The following FAR2 variants were observed in gnomAD, a reference collection of about 807,000 sequenced individuals.
FAR2 encodes fatty acyl-CoA reductase 2, also known as epididymis secretory protein Li 81.
FAR2 carries 19 observed loss-of-function variants against 56.0 expected under a neutral mutation model. The observed-to-expected ratio is 0.34, with a 90% confidence interval of 0.24 to 0.50. The LOEUF (loss-of-function observed/expected upper bound fraction) is 0.50, where lower values mean the gene tolerates loss of function less well. FAR2 is among the 20% of genes least tolerant of loss of function. FAR2 has a pLI of 0.98. For synonymous variants in FAR2, 219 were observed against 218.8 expected, an observed-to-expected ratio of 1.00 and a Z score of -0.01; for missense variants, 508 against 642.2, an observed-to-expected ratio of 0.79 and a Z score of 2.26.
At chr12:29,281,838 G>C (rs1163636995) in intron 2 of FAR2, among the ~76,000 whole-genome samples, 3 of 151,892 alleles carry the variant, frequency 2.0e-5, no homozygotes, top group African/African-American at 7.3e-5. Context: ...AGATGTGGAG[G>C]ATTCAGTGGC....
At chr12:29,249,289 C>G (rs1033923566) in intron 1 of FAR2, among the ~76,000 whole-genome samples, 1 of 152,184 alleles carries the variant, frequency 6.6e-6, no homozygotes, top group Non-Finnish European at 1.5e-5. Flanking sequence ...TGGCTTCAGC[C>G]GGTCCCTCCG....
At chr12:29,253,519 C>T (rs1948268546) in intron 1 of FAR2, among the ~76,000 whole-genome samples, 1 of 151,802 alleles carries the variant, frequency 6.6e-6, no homozygotes, top group Non-Finnish European at 1.5e-5. Flanking sequence ...TAAACTAATA[C>T]AATGATAATC....
In FAR2 at chr12:29,317,030, T is replaced by C. The variant is rs972757495; in HGVS notation, c.1127+18T>C. 1.9e-5 allele frequency: 30 copies of C among 1,607,036 alleles called. No individual in the cohort carries two copies. The highest frequency in any genetic ancestry group is 2.4e-5 in the Non-Finnish European group (28 of 1,176,076). ...AAGCCCAGGTGAGAAGCTGAGTCAA[T>C]GGCTTTGAGAGTGTCACTGCATGGG... On this transcript the variant is annotated intron_variant, in intron 9 of 11. Coordinates refer to ENST00000536681, the MANE Select transcript of FAR2 (RefSeq NM_001271783.2).
chr12:29,296,457 T>A (rs1949072946), intron 3 of FAR2, among the ~76,000 whole-genome samples: 2 of 152,246 alleles, frequency 1.3e-5, no homozygotes, highest in South Asian at 4.1e-4. Flanking sequence ...TTAGTAAGTT[T>A]CCTGGTATTT....
chr12:29,307,368 A>G (rs1048857299), intron 4 of FAR2, among the ~76,000 whole-genome samples: 2 of 151,742 alleles, frequency 1.3e-5, no homozygotes, highest in African/African-American at 4.8e-5. Context: ...ATAAAGTAGT[A>G]TTGCTATTGA....
intron 1 of FAR2, among the ~76,000 whole-genome samples, chr12:29,206,228 G>A (rs558232441): frequency 1.3e-5 from 2 of 152,324 alleles, no homozygotes; most frequent in South Asian, 4.1e-4. Context: ...TTGGATCACA[G>A]TGACTTCTAT....
intron 1 of FAR2, among the ~76,000 whole-genome samples, chr12:29,262,730 A>T (rs193010782): frequency 6.6e-6 from 1 of 152,334 alleles, no homozygotes. Flanking sequence ...GGAAGGAAGG[A>T]AGGAAGAGAA....
chr12:29,329,331 T>C (rs1949697411), intron 10 of FAR2, among the ~76,000 whole-genome samples: 1 of 152,194 alleles, frequency 6.6e-6, no homozygotes. Context: ...CCGAAATAAC[T>C]CAAAAGGTAA....
At chr12:29,248,903 C>T (rs766864396) in intron 1 of FAR2, among the ~76,000 whole-genome samples, 15 of 152,310 alleles carry the variant, frequency 9.8e-5, no homozygotes, top group East Asian at 1.9e-4. Context: ...CTGTTCCGCC[C>T]GGCTCACCGG....
intron 1 of FAR2, among the ~76,000 whole-genome samples, chr12:29,233,022 T>TA (rs2136654009): frequency 6.6e-6 from 1 of 152,286 alleles, no homozygotes; most frequent in East Asian, 1.9e-4. Flanking sequence ...TCTCTGACCT[T>TA]ATTCAGTGCT....
intron 1 of FAR2, among the ~76,000 whole-genome samples, chr12:29,227,711 C>A (rs946872622): frequency 1.3e-5 from 2 of 151,990 alleles, no homozygotes; most frequent in Non-Finnish European, 2.9e-5. Flanking sequence ...AAGAAAATGT[C>A]GGTAAAAGCA....
At chr12:29,197,364 A>G (rs542823827) in intron 1 of FAR2, among the ~76,000 whole-genome samples, 49 of 152,328 alleles carry the variant, frequency 3.2e-4, no homozygotes, top group Non-Finnish European at 6.8e-4. Context: ...TTGAGAATTA[A>G]AAGGCTACTT....
chr12:29,300,536 G>T (rs1184006872), intron 4 of FAR2, among the ~76,000 whole-genome samples: 2 of 152,180 alleles, frequency 1.3e-5, no homozygotes, highest in Non-Finnish European at 2.9e-5. Context: ...ATTGGTCTGT[G>T]TTAAAATGGA....
chr12:29,164,291 G>A (rs1371954258), intron 1 of FAR2, among the ~76,000 whole-genome samples: 1 of 152,174 alleles, frequency 6.6e-6, no homozygotes, highest in Non-Finnish European at 1.5e-5. Flanking sequence ...TAGTCCCTAG[G>A]AATACAGCTG....
At chr12:29,222,064 G>A (rs938472126) in intron 1 of FAR2, among the ~76,000 whole-genome samples, 7 of 152,092 alleles carry the variant, frequency 4.6e-5, no homozygotes, top group African/African-American at 1.7e-4. Flanking sequence ...GGGCAGGCTG[G>A]TTTCAAACTC....
intron 2 of FAR2, among the ~76,000 whole-genome samples, chr12:29,286,088 CA>C (rs1948871681): frequency 1.4e-5 from 2 of 143,216 alleles, no homozygotes; most frequent in Non-Finnish European, 3.1e-5. Context: ...CACACACACA[CA>C]TACACACACA....
intron 1 of FAR2, among the ~76,000 whole-genome samples, chr12:29,199,461 G>A (rs1025043749): frequency 6.6e-6 from 1 of 151,924 alleles, no homozygotes; most frequent in African/African-American, 2.4e-5. Flanking sequence ...TTAGCCGGGC[G>A]TGGTGGCGGG....
chr12:29,290,616 A>T (rs977768398), intron 2 of FAR2, among the ~76,000 whole-genome samples: 1 of 152,240 alleles, frequency 6.6e-6, no homozygotes, highest in Non-Finnish European at 1.5e-5. Context: ...CCATCAATAG[A>T]TGAATGGATA....
At chr12:29,251,364 T>C (rs1358699268) in intron 1 of FAR2, among the ~76,000 whole-genome samples, 1 of 152,194 alleles carries the variant, frequency 6.6e-6, no homozygotes, top group African/African-American at 2.4e-5. Flanking sequence ...CTTGGCCCTT[T>C]ACTAGGGAGA....
Sources: allele counts gnomAD v4.1 joint callset (sites outside exome capture counted in the v4.1 genomes callset), GRCh38; gene constraint gnomAD v4.1.1; transcripts MANE v1.5; gene names NCBI Gene and HGNC (gene_info 2026-07-23, HGNC 2026-07-21).